PHACTR4: variants seen among roughly 807,000 people sequenced by gnomAD.
PHACTR4 encodes the protein phosphatase and actin regulator 4.
PHACTR4 carries 51 observed loss-of-function variants against 72.7 expected under a neutral mutation model. That is an observed-to-expected ratio of 0.70 (90% CI 0.56 to 0.89). The LOEUF (loss-of-function observed/expected upper bound fraction) is 0.89, where lower values mean the gene tolerates loss of function less well. Ranked by LOEUF, PHACTR4 falls within the 40% of genes least tolerant of loss-of-function variation. The pLI, the probability that PHACTR4 is intolerant of heterozygous loss-of-function variation, is 0.00. For missense variants in PHACTR4, 731 were observed against 861.8 expected (o/e 0.85, Z 1.90); for synonymous variants, 255 against 302.5 (o/e 0.84, Z 1.63).
intron 2 of PHACTR4, among the ~76,000 whole-genome samples, chr1:28,434,628 TC>T (rs1013734032): frequency 8.5e-5 from 13 of 152,250 alleles, no homozygotes; most frequent in African/African-American, 2.2e-4. Context: ...CCCCTTTCAT[TC>T]TTTAAGTTTT....
Position 28,465,033 on chromosome 1 carries a change from C to T in PHACTR4, c.272-652C>T, listed in dbSNP as rs550428775. ...TTTGTCTTATTCATATAACAACGTA[C>T]TTGGCACATAGTAGGCTATCAAACA... is the stretch of plus-strand genomic sequence containing the variant. On this transcript the variant is annotated intron_variant, in intron 4 of 13. Transcript: ENST00000373839. Among the ~76,000 whole-genome samples the T allele has an allele frequency of 9.9e-5, 15 of 152,158 alleles. No individual in the cohort carries two copies. The South Asian group carries it at 2.7e-3, about 27-fold the overall frequency.
intron 1 of PHACTR4, among the ~76,000 whole-genome samples, chr1:28,382,728 G>A (rs754402609): frequency 1.8e-4 from 28 of 152,122 alleles, no homozygotes; most frequent in African/African-American, 6.5e-4. Flanking sequence ...TTTGTATATA[G>A]AGTAAGGAAG....
At chr1:28,381,972 TG>T (rs1652207388) in intron 1 of PHACTR4, among the ~76,000 whole-genome samples, 1 of 152,068 alleles carries the variant, frequency 6.6e-6, no homozygotes, top group Non-Finnish European at 1.5e-5. Context: ...TTCAACATGT[TG>T]GCCAGGCTGG....
chr1:28,472,850 T>TC (rs1285918567), intron 6 of PHACTR4, among the ~76,000 whole-genome samples: 148,374 of 148,378 alleles, frequency 1, 74,185 homozygotes, highest in Middle Eastern at 1. Context: ...ACTCCTGACC[T>TC]AAGTAATCTG....
At chr1:28,414,818 G>A (rs1340032612) in intron 2 of PHACTR4, among the ~76,000 whole-genome samples, 1 of 152,086 alleles carries the variant, frequency 6.6e-6, no homozygotes, top group African/African-American at 2.4e-5. Flanking sequence ...GAAGATCATG[G>A]AGTAGGGAAA....
Position 28,466,453 on chromosome 1 carries a change from C to T in PHACTR4, c.508C>T (p.Pro170Ser), listed in dbSNP as rs1163127189. ...PENVPKPPLL[P>S]PKRPLSSSHE... The stretch of plus-strand genomic sequence containing the variant: ...GAATGTACCCAAACCACCTTTACTT[C>T]CTCCCAAAAGACCCTTGTCCTCTTC... The change falls in exon 6 of 14, where the codon CCT becomes TCT. Residue 170 changes from proline (P) to serine (S), a missense_variant. Physicochemically the swap from Pro to Ser is moderately conservative, Grantham distance 74. This residue lies in a region of PHACTR4 where 621 missense variants were observed against 676.6 expected (regional missense o/e 0.92). Transcript: ENST00000373839. 1.9e-6 allele frequency: 3 copies of T among 1,614,114 alleles called. No individual in the cohort carries two copies. The highest frequency in any genetic ancestry group is 1.1e-5 in the South Asian group (1 of 91,074).
Position 28,375,017 on chromosome 1 carries a change from G to A in PHACTR4, c.-39+5192G>A, listed in dbSNP as rs148191281. ...TATTTTTACTACTATTAGAAGAAGA[G>A]GCCCAGCACGGTGGCTCACGCCTGT... is the stretch of plus-strand genomic sequence containing the variant. On this transcript the variant is annotated intron_variant, in intron 1 of 13. Coordinates refer to ENST00000373839, the MANE Select transcript of PHACTR4 (RefSeq NM_001048183.3). 8.3e-3 allele frequency among the ~76,000 whole-genome samples: 1,257 copies of A among 152,068 alleles called. 18 individuals carry two copies. Among genetic ancestry groups the A allele is most frequent in the Non-Finnish European group, 9.3e-3 (632 of 68,024 alleles).
intron 2 of PHACTR4, among the ~76,000 whole-genome samples, chr1:28,425,862 G>C (rs1427071615): frequency 6.6e-6 from 1 of 152,214 alleles, no homozygotes; most frequent in Non-Finnish European, 1.5e-5. Flanking sequence ...TCAAACCTCT[G>C]TGATGTGGGC....
intron 8 of PHACTR4, 93 bp from the exon 9 acceptor site, chr1:28,480,358 G>GT: frequency 1.4e-6 from 2 of 1,414,142 alleles, no homozygotes; most frequent in Non-Finnish European, 1.9e-6. Flanking sequence ...ATTAAATATT[G>GT]TATTTGTTCA....
rs190540973 is a variant in PHACTR4 at position 28,430,108 on chromosome 1, C to T, written c.16+22645C>T. Among the ~76,000 whole-genome samples, 623 of 152,050 alleles carry T rather than the reference C, an allele frequency of 4.1e-3. 23 individuals are homozygous for T. The highest frequency in any genetic ancestry group is 9.0e-4 in the Non-Finnish European group (61 of 67,980). ...CGTGATCTCGGCTTACTGCAAGCTC[C>T]GTCTCCCGGGTTCACGCCATTCTCC... On this transcript the variant is annotated intron_variant, in intron 2 of 13. Transcript: ENST00000373839.
At chr1:28,460,161 T>C (rs767370132) in intron 3 of PHACTR4, 51 bp from the exon 4 acceptor site, 4 of 1,282,584 alleles carry the variant, frequency 3.1e-6, no homozygotes, top group African/African-American at 2.9e-5. Flanking sequence ...AAGTGTAAGG[T>C]TGACTTTCAA....
intron 2 of PHACTR4, among the ~76,000 whole-genome samples, chr1:28,420,343 A>C (rs185247684): frequency 6.6e-5 from 10 of 152,242 alleles, no homozygotes; most frequent in Non-Finnish European, 1.2e-4. Flanking sequence ...TGTTCTCATG[A>C]TACTGAGTTC....
intron 10 of PHACTR4, among the ~76,000 whole-genome samples, chr1:28,489,519 T>C (rs1466109390): frequency 6.6e-6 from 1 of 152,186 alleles, no homozygotes; most frequent in Non-Finnish European, 1.5e-5. Flanking sequence ...ATATGGGAGA[T>C]GTGCCCAATT....
intron 2 of PHACTR4, among the ~76,000 whole-genome samples, chr1:28,433,948 T>TA (rs1656464558): frequency 6.6e-6 from 1 of 151,916 alleles, no homozygotes; most frequent in African/African-American, 2.4e-5. Context: ...GCCCGGCTAA[T>TA]ATTTGTATTT....
chr1:28,396,993 G>A (rs561731281), intron 1 of PHACTR4, among the ~76,000 whole-genome samples: 22 of 151,782 alleles, frequency 1.4e-4, no homozygotes, highest in South Asian at 4.2e-4. Context: ...GTGCCTGGCC[G>A]TGATATGCTT....
chr1:28,425,937 T>G (rs1220687058), intron 2 of PHACTR4, among the ~76,000 whole-genome samples: 1 of 151,734 alleles, frequency 6.6e-6, no homozygotes. Context: ...AGATGTCAAC[T>G]GGGCCGGGCA....
chr1:28,445,201 C>T (rs1409646583), intron 2 of PHACTR4, among the ~76,000 whole-genome samples: 1 of 152,262 alleles, frequency 6.6e-6, no homozygotes, highest in Admixed American at 6.5e-5. Flanking sequence ...GATCCACCTG[C>T]CTCAGCCCCC....
rs1298762711 is a variant in PHACTR4, at chr1:28,473,872, A to G, written c.1142A>G (p.His381Arg). 6.2e-7 allele frequency: 1 copy of G among 1,613,900 alleles called. No homozygotes were observed. The highest frequency in any genetic ancestry group is 8.5e-7 in the Non-Finnish European group (1 of 1,179,984). The part of the protein sequence containing the change: ...EIEFPPSLDL[H>R]QEIPQQEDQK... ...GAGTTTCCACCATCCTTAGATCTAC[A>G]CCAGGAGATTCCCCAGCAGGAAGAT... The change falls in exon 7 of 14, where the codon CAC becomes CGC. Residue 381 changes from histidine (H) to arginine (R), a missense_variant. Physicochemically the swap from His to Arg is conservative, Grantham distance 29 (BLOSUM62 0). Transcript: ENST00000373839.
Position 28,476,168 on chromosome 1 carries a change from C to A in PHACTR4, c.1483C>A (p.Pro495Thr). The A allele has an allele frequency of 6.2e-7, 1 of 1,613,740 alleles. No individual in the cohort carries two copies. The highest frequency in any genetic ancestry group is 8.5e-7 in the Non-Finnish European group (1 of 1,179,814). Residue 495 changes from proline to threonine, a missense_variant, in exon 8 of 14, where the codon CCT becomes ACT. Coordinates refer to ENST00000373839, the MANE Select transcript of PHACTR4 (RefSeq NM_001048183.3). ...CPSTFSEEMT[P>T]TSVIPKLPQC... Reference sequence around the variant, plus strand: ...ATCCACATTCAGTGAAGAAATGACACCTACCTCAGTCATTCCTAAATTACC... The same window carrying A: ...ATCCACATTCAGTGAAGAAATGACAACTACCTCAGTCATTCCTAAATTACC...
Sources: gnomAD v4.1 joint callset for allele counts (sites outside exome capture counted in the v4.1 genomes callset) on GRCh38, gnomAD v4.1.1 for gene constraint, gnomAD v4.1.1 regional missense constraint, MANE v1.5 for transcripts, NCBI Gene and HGNC (gene_info 2026-07-23, HGNC 2026-07-21) for gene names.